POC1B: variants seen among roughly 807,000 people sequenced by gnomAD.
The protein encoded by POC1B is POC1 centriolar protein B.
In POC1B, 44 loss-of-function variants were observed where a neutral mutation model predicts 60.6. The observed-to-expected ratio is 0.73, with a 90% CI of 0.57 to 0.93. The LOEUF is 0.93. POC1B is among the 40% of genes least tolerant of loss of function. The pLI is 0.00. For synonymous variants in POC1B, 180 were observed against 198.9 expected, an observed-to-expected ratio of 0.90 and a Z score of 0.80; for missense variants, 555 against 572.3, an observed-to-expected ratio of 0.97 and a Z score of 0.31.
Position 89,421,025 on chromosome 12 carries a change from T to G in POC1B, c.*128A>C. ...TGCCTTTTGTTCTGTTGCTCACCCT[T>G]TTAAGAAATGCCATGATAAATAGCA... On this transcript the variant is annotated 3_prime_UTR_variant, in exon 12 of 12. Coordinates refer to ENST00000313546, the MANE Select transcript of POC1B (RefSeq NM_172240.3). The G allele has an allele frequency of 3.0e-6, 2 of 671,142 alleles. No homozygotes were observed. The highest frequency in any genetic ancestry group is 5.3e-5 in the Admixed American group (2 of 37,850). 41.6% of individuals were successfully genotyped at this position (671,142 alleles called of 1,614,324 possible).
chr12:89,487,084 G>A (rs1250484204), intron 4 of POC1B, among the ~76,000 whole-genome samples: 1 of 152,102 alleles, frequency 6.6e-6, no homozygotes, highest in African/African-American at 2.4e-5. Context: ...TCTTTGCCCA[G>A]GGTGTCCCTC....
chr12:89,462,898 A>C (rs984350954), intron 9 of POC1B, among the ~76,000 whole-genome samples: 3 of 152,136 alleles, frequency 2.0e-5, no homozygotes, highest in African/African-American at 7.3e-5. Flanking sequence ...CATGTAATGA[A>C]CATTTACTGA....
chr12:89,510,385 A>G (rs1870119913), intron 2 of POC1B, among the ~76,000 whole-genome samples: 1 of 152,192 alleles, frequency 6.6e-6, no homozygotes. Flanking sequence ...AGAGACCTAG[A>G]CATCCAGCCC....
At chr12:89,417,571 TAA>T (rs1391906071), downstream of POC1B, among the ~76,000 whole-genome samples, 1 of 152,200 alleles carries the variant, frequency 6.6e-6, no homozygotes, top group South Asian at 2.1e-4. Context: ...TTATCTTTTT[TAA>T]AAAAGTCTGT....
chr12:89,504,016 C>G (rs1869765884), intron 2 of POC1B, among the ~76,000 whole-genome samples: 1 of 151,798 alleles, frequency 6.6e-6, no homozygotes, highest in African/African-American at 2.4e-5. Flanking sequence ...GCCGCCGCCC[C>G]ATCCAGGAGG....
intron 2 of POC1B, among the ~76,000 whole-genome samples, chr12:89,503,809 C>T (rs1190678428): frequency 1.2e-4 from 17 of 143,518 alleles, no homozygotes; most frequent in African/African-American, 4.6e-4. Context: ...CCGGCAGCCG[C>T]CCCATCTGAG....
chr12:89,423,972 T>A (rs1365317399), intron 11 of POC1B, among the ~76,000 whole-genome samples: 2 of 152,130 alleles, frequency 1.3e-5, no homozygotes, highest in Non-Finnish European at 2.9e-5. Flanking sequence ...ACAACTAAAT[T>A]TGACATGAAG....
chr12:89,517,040 C>T (rs570173402), intron 2 of POC1B, among the ~76,000 whole-genome samples: 81 of 152,256 alleles, frequency 5.3e-4, no homozygotes, highest in African/African-American at 1.9e-3. Context: ...ACGACATGGA[C>T]ACATGTTTTG....
At chr12:89,513,010 T>G (rs1041431478) in intron 2 of POC1B, among the ~76,000 whole-genome samples, 1 of 152,176 alleles carries the variant, frequency 6.6e-6, no homozygotes, top group African/African-American at 2.4e-5. Flanking sequence ...AAGACGTTAT[T>G]TCTAGTAAAT....
chr12:89,434,938 G>A (rs1255033972), intron 10 of POC1B, among the ~76,000 whole-genome samples: 1 of 152,072 alleles, frequency 6.6e-6, no homozygotes, highest in East Asian at 1.9e-4. Context: ...AGTGAAAAAT[G>A]TATTTAATAT....
downstream of POC1B, among the ~76,000 whole-genome samples, chr12:89,415,730 A>G (rs182638942): frequency 1.4e-3 from 210 of 152,318 alleles, no homozygotes; most frequent in Non-Finnish European, 2.2e-3. Flanking sequence ...TGTGCTAATC[A>G]TTTCACAAAT....
intron 2 of POC1B, chr12:89,521,788 A>G (rs542662442): frequency 2.6e-6 from 1 of 385,282 alleles, no homozygotes; most frequent in East Asian, 3.7e-5. Flanking sequence ...ACAATTGCCA[A>G]GGCAGTCTTT....
intron 10 of POC1B, among the ~76,000 whole-genome samples, chr12:89,442,734 G>A (rs939652068): frequency 8.5e-5 from 13 of 152,118 alleles, no homozygotes; most frequent in Non-Finnish European, 1.8e-4. Flanking sequence ...ATAATGACAG[G>A]ATCAATTCAT....
chr12:89,411,010 C>T, the POC1B span, among the ~76,000 whole-genome samples: 3 of 152,114 alleles, frequency 2.0e-5, no homozygotes, highest in Non-Finnish European at 2.9e-5. Flanking sequence ...TGAGCAAACT[C>T]CCATTCACAA....
At chr12:89,509,342 T>C (rs1353306687) in intron 2 of POC1B, among the ~76,000 whole-genome samples, 1 of 152,222 alleles carries the variant, frequency 6.6e-6, no homozygotes, top group Non-Finnish European at 1.5e-5. Context: ...CCTTTTGATA[T>C]ATTTCCATTC....
intron 4 of POC1B, among the ~76,000 whole-genome samples, chr12:89,489,098 C>T (rs1776672740): frequency 6.6e-6 from 1 of 152,128 alleles, no homozygotes; most frequent in African/African-American, 2.4e-5. Flanking sequence ...AAATTGTCAA[C>T]CCAAGTTACA....
At chr12:89,459,968 T>C (rs1183162638) in intron 9 of POC1B, 1 of 471,022 alleles carries the variant, frequency 2.1e-6, no homozygotes, top group Non-Finnish European at 3.9e-6. Context: ...AGAAAATCAA[T>C]GTAATTTACC....
At chr12:89,460,954 T>C (rs757356887) in intron 9 of POC1B, 8 of 152,134 alleles carry the variant, frequency 5.3e-5, no homozygotes, top group Non-Finnish European at 1.2e-4. Context: ...GCAACAAAGA[T>C]AGCAGAGTTT....
chr12:89,523,165 G>C, intron 2 of POC1B: 1 of 1,613,638 alleles, frequency 6.2e-7, no homozygotes, highest in African/African-American at 1.3e-5. Context: ...GTTGTCAGGA[G>C]AATTATAATC....
Sources: gnomAD v4.1 joint callset for allele counts (sites outside exome capture counted in the v4.1 genomes callset) on GRCh38, gnomAD v4.1.1 for gene constraint, MANE v1.5 for transcripts, NCBI Gene and HGNC (gene_info 2026-07-23, HGNC 2026-07-21) for gene names.